Variants in CFAP97D2 observed in about 807,000 individuals in gnomAD.
CFAP97D2 encodes the protein CFAP97 domain containing 2.
intron 1 of CFAP97D2, among the ~76,000 whole-genome samples, chr13:114,194,618 A>G (rs960984729): frequency 2.0e-5 from 3 of 152,036 alleles, no homozygotes; most frequent in African/African-American, 7.3e-5. Flanking sequence ...TTCTTTGATG[A>G]TTTTGCCAAA....
chr13:114,221,980 C>G lies in CFAP97D2; in HGVS notation c.481-518C>G, dbSNP rs186909865. Among the ~76,000 whole-genome samples the G allele has an allele frequency of 3.3e-5, 5 of 152,250 alleles. No homozygotes were observed. In the East Asian group the frequency reaches 5.8e-4, roughly 18 times the overall value. On this transcript the variant is annotated intron_variant, in intron 4 of 4. Transcript: ENST00000646158. ...ACCCAAATGTCTATCAACTGATGAA[C>G]AGATAAAACGTGGTATAGCCATAGA...
chr13:114,192,589 G>A (rs1237140708), intron 1 of CFAP97D2, among the ~76,000 whole-genome samples: 1 of 151,850 alleles, frequency 6.6e-6, no homozygotes, highest in Non-Finnish European at 1.5e-5. Context: ...TCCAGTGCAG[G>A]GAGAAAGAAA....
intron 1 of CFAP97D2, among the ~76,000 whole-genome samples, chr13:114,182,272 C>T (rs1011469245): frequency 1.1e-4 from 16 of 152,160 alleles, no homozygotes; most frequent in Non-Finnish European, 1.6e-4. Flanking sequence ...CCAAACATCT[C>T]AGTGGAGTAA....
chr13:114,179,284 C>T (rs2080824494), upstream of CFAP97D2: 1 of 398,526 alleles, frequency 2.5e-6, no homozygotes, highest in Non-Finnish European at 4.4e-6. This position sits in a 1 kb window ranked among gnomAD's most constrained non-coding sequence, Gnocchi z 4.8. Flanking sequence ...GCACCAGGCC[C>T]CAGCTGCTCC....
chr13:114,182,491 C>A (rs112048834), intron 1 of CFAP97D2, among the ~76,000 whole-genome samples: 48 of 148,670 alleles, frequency 3.2e-4, no homozygotes, highest in East Asian at 2.5e-3. Context: ...GACCCTTTAC[C>A]GGTGTCGGGC....
At chr13:114,219,132 A>T (rs966295796) in intron 4 of CFAP97D2, among the ~76,000 whole-genome samples, 1 of 152,258 alleles carries the variant, frequency 6.6e-6, no homozygotes, top group Non-Finnish European at 1.5e-5. Context: ...TACTCATCTG[A>T]CAAAGGGCTA....
Position 114,203,254 on chromosome 13 carries a change from TTG to T in CFAP97D2, c.290+2815_290+2816del, listed in dbSNP as rs1338595335. ...TACAAGATCAATACACAAAAATCAA[TTG>T]TGTTTTTATATACTTGCAATGAGCA... is the stretch of plus-strand genomic sequence containing the variant. On this transcript the variant is annotated intron_variant, in intron 3 of 4. Transcript: ENST00000646158. The surrounding 1 kb of genome is among the most constrained non-coding windows in gnomAD (Gnocchi z 4.3). 6.6e-6 allele frequency among the ~76,000 whole-genome samples: 1 copy of T among 152,202 alleles called. No homozygotes were observed. Among genetic ancestry groups the T allele is most frequent in the Admixed American group, 6.5e-5 (1 of 15,282 alleles).
At chr13:114,218,081 A>C (rs999702705) in intron 4 of CFAP97D2, among the ~76,000 whole-genome samples, 3 of 152,224 alleles carry the variant, frequency 2.0e-5, no homozygotes, top group African/African-American at 7.2e-5. Context: ...AGAGGAAGTC[A>C]AATTGTCCCT....
exon 4 of CFAP97D2, chr13:114,212,008 G>A: frequency 2.5e-6 from 1 of 398,784 alleles, no homozygotes. Context: ...ATGGTATGGA[G>A]CTCAAAGGTG....
chr13:114,208,122 T>A (rs1208842741), intron 3 of CFAP97D2, among the ~76,000 whole-genome samples: 3 of 152,174 alleles, frequency 2.0e-5, no homozygotes, highest in Non-Finnish European at 4.4e-5. Flanking sequence ...CTTGGACAAA[T>A]TGTCAGGTTC....
rs1594514574 is a variant in CFAP97D2 at position 114,189,598 on chromosome 13, A to G, written c.91-6798A>G. ...CAGCAAAACTTAGCAAATTCGATTA[A>G]AAGTGTATAAAAAGTATTATATGCC... On this transcript the variant is annotated intron_variant, in intron 1 of 4. Coordinates refer to ENST00000646158, the Ensembl canonical transcript of CFAP97D2. The surrounding 1 kb of genome is among the most constrained non-coding windows in gnomAD (Gnocchi z 4.5). Among the ~76,000 whole-genome samples the G allele has an allele frequency of 6.6e-6, 1 of 152,320 alleles. No individual in the cohort carries two copies. The highest frequency in any genetic ancestry group is 2.4e-5 in the African/African-American group (1 of 41,576).
In CFAP97D2 at chr13:114,182,449, G is replaced by GAT. The variant is rs2080838449; in HGVS notation, c.90+3029_90+3030insAT. 1.4e-4 allele frequency among the ~76,000 whole-genome samples: 21 copies of GAT among 151,920 alleles called. No individual in the cohort carries two copies. In the South Asian group the frequency reaches 2.3e-3, roughly 17 times the overall value. On this transcript the variant is annotated intron_variant, in intron 1 of 4. Transcript: ENST00000646158. Reference sequence around the variant, plus strand: ...CCTTCCTCTATCTCAACTGCAAGAGGCCTTCCTCTTTTACTAATCCACCTC... The same window carrying GAT: ...CCTTCCTCTATCTCAACTGCAAGAGGATCCTTCCTCTTTTACTAATCCACCTC...
intron 3 of CFAP97D2, among the ~76,000 whole-genome samples, chr13:114,201,313 T>G (rs1274542746): frequency 6.6e-6 from 1 of 152,222 alleles, no homozygotes; most frequent in African/African-American, 2.4e-5. Flanking sequence ...GCTTGAACCT[T>G]TTAAGACTTT....
At chr13:114,217,430 G>A (rs1003912757) in intron 4 of CFAP97D2, among the ~76,000 whole-genome samples, 1 of 152,166 alleles carries the variant, frequency 6.6e-6, no homozygotes, top group African/African-American at 2.4e-5. Context: ...ATTCACAGCC[G>A]AATTCTACCA....
chr13:114,220,687 C>T (rs993579029), intron 4 of CFAP97D2, among the ~76,000 whole-genome samples: 4 of 152,224 alleles, frequency 2.6e-5, no homozygotes, highest in African/African-American at 9.6e-5. Context: ...AACTCCTGCA[C>T]ATGAGAAAGA....
chr13:114,192,654 C>T (rs1468254254), intron 1 of CFAP97D2, among the ~76,000 whole-genome samples: 1 of 152,092 alleles, frequency 6.6e-6, no homozygotes, highest in Non-Finnish European at 1.5e-5. Flanking sequence ...ATGACAAATA[C>T]TTCACCAAAA....
In CFAP97D2 at chr13:114,207,971, G is replaced by A. The variant is rs2080948846; in HGVS notation, c.291-3941G>A. Reference sequence around the variant, plus strand: ...AGAAAGTAAAGAATCTGTAATCAATGCATCTCCTTGGGTCACTCGGCAGTT... The same window carrying A: ...AGAAAGTAAAGAATCTGTAATCAATACATCTCCTTGGGTCACTCGGCAGTT... On this transcript the variant is annotated intron_variant, in intron 3 of 4. Transcript: ENST00000646158. The surrounding 1 kb of genome is among the most constrained non-coding windows in gnomAD (Gnocchi z 4.9). Among the ~76,000 whole-genome samples the A allele has an allele frequency of 6.6e-6, 1 of 152,146 alleles. No homozygotes were observed. The highest frequency in any genetic ancestry group is 2.4e-5 in the African/African-American group (1 of 41,430).
intron 4 of CFAP97D2, chr13:114,215,605 G>A (rs1311244698): frequency 3.9e-5 from 6 of 152,174 alleles, no homozygotes; most frequent in Non-Finnish European, 8.8e-5. Flanking sequence ...GCAAGTTAGA[G>A]ATCAATGTTT....
intron 1 of CFAP97D2, among the ~76,000 whole-genome samples, chr13:114,193,410 G>T (rs1594515388): frequency 2.0e-5 from 3 of 152,294 alleles, no homozygotes; most frequent in Admixed American, 2.0e-4. Flanking sequence ...ATTTCTCACA[G>T]TTCCAGAGAC....
Sources: gnomAD v4.1 joint callset for allele counts (sites outside exome capture counted in the v4.1 genomes callset) on GRCh38, gnomAD v4.1.1 for gene constraint, Gnocchi (gnomAD v3.1) non-coding constraint, MANE v1.5 for transcripts, NCBI Gene and HGNC (gene_info 2026-07-23, HGNC 2026-07-21) for gene names.